WFDC1: variants seen among roughly 807,000 people sequenced by gnomAD.
WFDC1 encodes the protein WAP four-disulfide core domain protein 1.
A neutral mutation model predicts 32.9 loss-of-function variants in WFDC1; 39 were observed. The ratio of observed to expected loss-of-function variants is 1.19; its 90% confidence interval spans 0.92 to 1.55. The LOEUF is 1.55. WFDC1 is among the 40% of genes most tolerant of loss of function. WFDC1 has a pLI of 0.00. For synonymous variants in WFDC1, 184 were observed against 137.4 expected (o/e 1.34, Z -2.37); for missense variants, 386 against 309.5 (o/e 1.25, Z -1.85).
intron 1 of WFDC1, among the ~76,000 whole-genome samples, chr16:84,302,381 C>A (rs1222585403): frequency 1.3e-5 from 2 of 152,056 alleles, no homozygotes; most frequent in Non-Finnish European, 2.9e-5. Context: ...TATATTTTAC[C>A]ACAATAATTT....
intron 2 of WFDC1, chr16:84,317,449 C>A (rs972444960): frequency 5.3e-5 from 8 of 152,198 alleles, no homozygotes; most frequent in African/African-American, 1.9e-4. Flanking sequence ...TTCATCCAGG[C>A]AGGAGGCACT....
At chr16:84,313,657 A>C (rs1907781572) in intron 2 of WFDC1, among the ~76,000 whole-genome samples, 1 of 152,152 alleles carries the variant, frequency 6.6e-6, no homozygotes, top group African/African-American at 2.4e-5. Context: ...TCAACCCACC[A>C]GGCCCGCCAC....
intron 1 of WFDC1, among the ~76,000 whole-genome samples, chr16:84,302,064 C>A (rs945567318): frequency 1.1e-4 from 16 of 152,194 alleles, no homozygotes; most frequent in African/African-American, 3.6e-4. Context: ...AGCCTGGACA[C>A]ACGCCATTGC....
intron 1 of WFDC1, among the ~76,000 whole-genome samples, chr16:84,310,218 G>A (rs373551571): frequency 4.6e-5 from 7 of 151,790 alleles, no homozygotes; most frequent in African/African-American, 1.7e-4. Flanking sequence ...CGGGGGTGGT[G>A]TGGCCCTAAC....
At chr16:84,318,143 A>G in intron 2 of WFDC1, 129 bp from the exon 3 acceptor site, 1 of 808,652 alleles carries the variant, frequency 1.2e-6, no homozygotes, top group Non-Finnish European at 2.1e-6. Context: ...AAGGTGTGCC[A>G]GGAACCATAG....
At chr16:84,303,352 G>A (rs1907061616) in intron 1 of WFDC1, among the ~76,000 whole-genome samples, 1 of 152,078 alleles carries the variant, frequency 6.6e-6, no homozygotes, top group Non-Finnish European at 1.5e-5. Context: ...GAAGGAAGGG[G>A]GTGGTGAGCA....
At chr16:84,305,126 C>T (rs1907174432) in intron 1 of WFDC1, among the ~76,000 whole-genome samples, 1 of 152,156 alleles carries the variant, frequency 6.6e-6, no homozygotes, top group Non-Finnish European at 1.5e-5. Context: ...AGCAGCAGCC[C>T]CAGAGGGTGA....
intron 1 of WFDC1, among the ~76,000 whole-genome samples, chr16:84,310,869 C>T (rs1232090718): frequency 6.6e-6 from 1 of 151,982 alleles, no homozygotes; most frequent in Non-Finnish European, 1.5e-5. Flanking sequence ...GCAGATATGC[C>T]CTATGTACTG....
rs1298318322 is a variant in WFDC1 at position 84,295,063 on chromosome 16, C to T, written c.92C>T (p.Ala31Val). ...LLLLLLHAGS[A>V]KNIWKRALPA... is the part of the protein sequence containing the mutation. ...CTACTTCTCCTCCACGCCGGCTCTGCCAAGAATATCTGGAAACGGGCATTG... is the reference window on the plus strand; with the variant it reads ...CTACTTCTCCTCCACGCCGGCTCTGTCAAGAATATCTGGAAACGGGCATTG... Residue 31 changes from alanine (A) to valine (V), a missense_variant, in exon 1 of 7, where the codon GCC (alanine) becomes GTC (valine). Coordinates refer to ENST00000219454, the MANE Select transcript of WFDC1 (RefSeq NM_021197.4). 1 of 1,614,228 alleles carries T rather than the reference C, an allele frequency of 6.2e-7. No individual in the cohort carries two copies. The highest frequency in any genetic ancestry group is 2.2e-5 in the East Asian group (1 of 44,878).
chr16:84,328,907 T>G (rs1199144972), intron 6 of WFDC1: 1 of 151,732 alleles, frequency 6.6e-6, no homozygotes, highest in Non-Finnish European at 1.5e-5. Context: ...GAGCCATGTT[T>G]GCACCATTGC....
intron 4 of WFDC1, 88 bp from the exon 5 acceptor site, chr16:84,324,331 A>T: frequency 7.9e-7 from 1 of 1,265,716 alleles, no homozygotes; most frequent in East Asian, 2.3e-5. Context: ...AGACTGAAAA[A>T]CACAAGTAAT....
chr16:84,327,186 A>G (rs980894071), intron 6 of WFDC1: 1 of 506,728 alleles, frequency 2.0e-6, no homozygotes, highest in Non-Finnish European at 3.6e-6. Flanking sequence ...ATAGAAGCTT[A>G]ACTCATTTGT....
chr16:84,299,851 C>G lies in WFDC1; in HGVS notation c.144+4736C>G, dbSNP rs868689474. ...TGGGAGGGGCTAGAGCAGCCAGGAG[C>G]TGGTGCCACTTTCTCTTTCAAATGC... On this transcript the variant is annotated intron_variant, in intron 1 of 6. Transcript: ENST00000219454. Among the ~76,000 whole-genome samples the G allele has an allele frequency of 7.2e-5, 11 of 152,322 alleles. No individual in the cohort carries two copies. In the Middle Eastern group the frequency reaches 0.01, roughly 141 times the overall value.
chr16:84,299,318 T>A (rs546610161), intron 1 of WFDC1, among the ~76,000 whole-genome samples: 21 of 151,450 alleles, frequency 1.4e-4, no homozygotes, highest in African/African-American at 5.1e-4. Flanking sequence ...TGAGCCGAGA[T>A]CGTGCCATTG....
intron 1 of WFDC1, among the ~76,000 whole-genome samples, chr16:84,304,425 A>G (rs1907125829): frequency 6.6e-6 from 1 of 152,096 alleles, no homozygotes; most frequent in Non-Finnish European, 1.5e-5. Flanking sequence ...GACGGGTTTC[A>G]CCATATTGGC....
chr16:84,326,451 A>G (rs1340702506), intron 5 of WFDC1: 1 of 173,898 alleles, frequency 5.8e-6, no homozygotes, highest in African/African-American at 2.4e-5. Flanking sequence ...TTTTATGAGA[A>G]TAGTGACAAG....
intron 5 of WFDC1, among the ~76,000 whole-genome samples, chr16:84,325,399 C>T (rs921223754): frequency 1.7e-4 from 26 of 152,146 alleles, no homozygotes; most frequent in Admixed American, 1.7e-3. Flanking sequence ...GACGAGGTTT[C>T]ACCTTGTTGG....
At chr16:84,324,544 C>G in intron 5 of WFDC1, 84 bp downstream of exon 5, 1 of 1,489,950 alleles carries the variant, frequency 6.7e-7, no homozygotes, top group South Asian at 1.2e-5. Flanking sequence ...AAAATAAAAG[C>G]CCAGGGCTGA....
chr16:84,305,935 G>A (rs963338761), intron 1 of WFDC1, among the ~76,000 whole-genome samples: 3 of 151,898 alleles, frequency 2.0e-5, no homozygotes, highest in South Asian at 2.1e-4. Context: ...TCTGGGAGGC[G>A]GAGGTTGCAG....
Sources: allele counts gnomAD v4.1 joint callset (sites outside exome capture counted in the v4.1 genomes callset), GRCh38; gene constraint gnomAD v4.1.1; transcripts MANE v1.5; gene names NCBI Gene and HGNC (gene_info 2026-07-23, HGNC 2026-07-21).